The following IFFO2 variants were observed in gnomAD, a reference collection of about 807,000 sequenced individuals.
IFFO2 encodes intermediate filament family orphan 2.
IFFO2 carries 19 observed loss-of-function variants against 53.5 expected under a neutral mutation model. The ratio of observed to expected loss-of-function variants is 0.36; its 90% CI spans 0.25 to 0.52. The LOEUF is 0.52. Ranked by LOEUF, IFFO2 falls within the 20% of genes least tolerant of loss-of-function variation. IFFO2 has a pLI of 0.94. For missense variants in IFFO2, 570 were observed against 727.4 expected (o/e 0.78, Z 2.49); for synonymous variants, 303 against 313.6 (o/e 0.97, Z 0.36).
At chr1:18,939,547 T>G (rs1046710972) in intron 1 of IFFO2, among the ~76,000 whole-genome samples, 5 of 152,194 alleles carry the variant, frequency 3.3e-5, no homozygotes, top group Non-Finnish European at 5.9e-5. Context: ...AGAAAAGGAA[T>G]GTGCCTCCCT....
Position 18,917,144 on chromosome 1 carries a change from G to C in IFFO2, c.964-102C>G. 1.5e-6 allele frequency: 2 copies of C among 1,340,248 alleles called. No individual in the cohort carries two copies. Among genetic ancestry groups the C allele is most frequent in the Non-Finnish European group, 2.0e-6 (2 of 981,726 alleles). The allele number at this position is 1,340,248 out of a possible 1,614,324, so 83.0% of individuals were successfully genotyped here. On this transcript the variant is annotated intron_variant, in intron 4 of 8. Transcript: ENST00000455833. The surrounding 1 kb of genome is among the most constrained non-coding windows in gnomAD (Gnocchi z 5.9). ...GCCGGCATCTCACAGGATGATGAGC[G>C]TGACTGGGGCCGGCCAGTGCCAGGA... is the stretch of plus-strand genomic sequence containing the variant.
chr1:18,908,718 A>T, intron 8 of IFFO2, 52 bp from the exon 9 acceptor site: 1 of 1,361,848 alleles, frequency 7.3e-7, no homozygotes, highest in Non-Finnish European at 1.0e-6. Flanking sequence ...TGGGCCTCTG[A>T]AGGGTCAAGG....
intron 1 of IFFO2, among the ~76,000 whole-genome samples, chr1:18,926,878 C>T (rs535475577): frequency 2.2e-4 from 33 of 152,198 alleles, no homozygotes; most frequent in African/African-American, 7.2e-4. Flanking sequence ...AAAAGAGGCT[C>T]GAGGCTCCCG....
chr1:18,942,230 G>T (rs78932381), intron 1 of IFFO2, among the ~76,000 whole-genome samples: 4,136 of 152,306 alleles, frequency 0.027, 201 homozygotes, highest in African/African-American at 0.093. Flanking sequence ...GAGCTGGAAG[G>T]CTTGAGAACT....
intron 5 of IFFO2, among the ~76,000 whole-genome samples, chr1:18,913,959 G>GAC (rs1557638791): frequency 4.1e-5 from 6 of 147,338 alleles, no homozygotes; most frequent in Non-Finnish European, 5.9e-5. Context: ...AGCCTCCTGC[G>GAC]TAGCTGGGAC....
chr1:18,911,359 T>A, intron 7 of IFFO2, 25 bp downstream of exon 7: 1 of 1,282,238 alleles, frequency 7.8e-7, no homozygotes, highest in Non-Finnish European at 1.1e-6. Context: ...GCCTCACGAG[T>A]GGGCTCCACG....
chr1:18,921,520 T>C (rs1272616207), intron 1 of IFFO2, among the ~76,000 whole-genome samples: 1 of 152,214 alleles, frequency 6.6e-6, no homozygotes, highest in African/African-American at 2.4e-5. Context: ...AGCTCCACTC[T>C]CAGGCTGTTC....
At chr1:18,951,505 T>A (rs914379787) in intron 1 of IFFO2, among the ~76,000 whole-genome samples, 3 of 152,154 alleles carry the variant, frequency 2.0e-5, no homozygotes, top group African/African-American at 7.2e-5. Flanking sequence ...GGGGCCAGGA[T>A]GGCTGGACAG....
chr1:18,929,685 G>C (rs1234052230), intron 1 of IFFO2, among the ~76,000 whole-genome samples: 1 of 133,444 alleles, frequency 7.5e-6, no homozygotes, highest in African/African-American at 2.9e-5. Context: ...GAGTGGGAAA[G>C]AACGGCAAGC....
At chr1:18,934,584 A>G (rs1246434299) in intron 1 of IFFO2, among the ~76,000 whole-genome samples, 2 of 152,216 alleles carry the variant, frequency 1.3e-5, no homozygotes, top group African/African-American at 4.8e-5. Flanking sequence ...TTACACAAGA[A>G]ATAGAAAAAG....
intron 1 of IFFO2, among the ~76,000 whole-genome samples, chr1:18,937,595 G>A (rs1170519723): frequency 1.3e-5 from 2 of 152,136 alleles, no homozygotes; most frequent in Non-Finnish European, 2.9e-5. Context: ...AGCCTCCCAG[G>A]GACCCTTCCA....
intron 1 of IFFO2, among the ~76,000 whole-genome samples, chr1:18,954,144 G>A (rs969574833): frequency 3.3e-5 from 5 of 152,222 alleles, no homozygotes; most frequent in African/African-American, 9.6e-5. Flanking sequence ...GTCTCCCAGT[G>A]GAGTGTAAGA....
At chr1:18,941,587 C>T (rs550818801) in intron 1 of IFFO2, among the ~76,000 whole-genome samples, 10 of 152,336 alleles carry the variant, frequency 6.6e-5, no homozygotes, top group East Asian at 1.9e-4. Context: ...GAAGGAGGAA[C>T]GGCTGCCTTG....
At chr1:18,921,724 T>C (rs141313890) in intron 1 of IFFO2, among the ~76,000 whole-genome samples, 4 of 152,328 alleles carry the variant, frequency 2.6e-5, no homozygotes, top group African/African-American at 7.2e-5. Context: ...GCTGTTTTAT[T>C]ACATTGAAAC....
chr1:18,927,717 G>T (rs1003693819), intron 1 of IFFO2, among the ~76,000 whole-genome samples: 1 of 152,268 alleles, frequency 6.6e-6, no homozygotes, highest in Non-Finnish European at 1.5e-5. Flanking sequence ...AGAAGAGGCT[G>T]CAGGCACAGT....
Position 18,956,011 on chromosome 1 carries a change from G to T in IFFO2, c.322C>A (p.Gln108Lys). 7.0e-7 allele frequency: 1 copy of T among 1,424,938 alleles called. No individual in the cohort carries two copies. Among genetic ancestry groups the T allele is most frequent in the Non-Finnish European group, 9.3e-7 (1 of 1,073,798 alleles). 88.3% of individuals were successfully genotyped at this position (1,424,938 alleles called of 1,614,324 possible). A position where few individuals can be genotyped will look rare whatever the true frequency, so the allele number is the denominator to read the frequency against. ...YKTFSREQAV[Q>K]TGPELLRPPA... is the part of the protein sequence containing the mutation. ...GGCCGCAGCAACTCGGGCCCGGTCT[G>T]CACGGCCTGCTCGCGGGAGAAGGTC... Residue 108 changes from glutamine (Q) to lysine (K), a missense_variant, in exon 1 of 9, where the codon CAG (glutamine) becomes AAG (lysine). Physicochemically the swap from Gln to Lys is moderately conservative, Grantham distance 53. Coordinates refer to ENST00000455833, the MANE Select transcript of IFFO2 (RefSeq NM_001136265.2). The surrounding 1 kb of genome is among the most constrained non-coding windows in gnomAD (Gnocchi z 6.4).
intron 8 of IFFO2, among the ~76,000 whole-genome samples, chr1:18,909,462 C>T (rs1936000519): frequency 6.6e-6 from 1 of 152,164 alleles, no homozygotes; most frequent in Admixed American, 6.5e-5. Flanking sequence ...GCTGTGTTCC[C>T]ACCCAAATTG....
At chr1:18,926,359 A>G (rs1187690126) in intron 1 of IFFO2, among the ~76,000 whole-genome samples, 2 of 152,168 alleles carry the variant, frequency 1.3e-5, no homozygotes, top group Non-Finnish European at 2.9e-5. Context: ...AGGGATGGCC[A>G]GGGCAGGAAG....
At position 18,936,856 on chromosome 1, in the gene IFFO2, A is replaced by G. The variant is rs1936455311; in HGVS notation, c.666-15735T>C. Among the ~76,000 whole-genome samples the G allele has an allele frequency of 6.6e-6, 1 of 151,702 alleles. No individual in the cohort carries two copies. The highest frequency in any genetic ancestry group is 1.5e-5 in the Non-Finnish European group (1 of 68,002). On this transcript the variant is annotated intron_variant, in intron 1 of 8. Coordinates refer to ENST00000455833, the MANE Select transcript of IFFO2 (RefSeq NM_001136265.2). This position sits in a 1 kb window ranked among gnomAD's most constrained non-coding sequence, Gnocchi z 4.5. The stretch of plus-strand genomic sequence containing the variant: ...AGGCTCTGCGGCCTTAAGCCAAGTC[A>G]CTTCTCTAGGGCTCAGTCTCCTCAC...
Sources: allele counts gnomAD v4.1 joint callset (sites outside exome capture counted in the v4.1 genomes callset), GRCh38; gene constraint gnomAD v4.1.1; non-coding constraint Gnocchi (gnomAD v3.1); transcripts MANE v1.5; gene names NCBI Gene and HGNC (gene_info 2026-07-23, HGNC 2026-07-21).